Variants in RTL4 observed in about 807,000 individuals in gnomAD.
The protein encoded by RTL4 is retrotransposon Gag like 4.
Under a neutral mutation model 5.3 loss-of-function variants are expected in RTL4, and 4 were observed. That is an observed-to-expected ratio of 0.75 (90% CI 0.37 to 1.72). RTL4 has a LOEUF of 1.72. RTL4 is among the 40% of genes most tolerant of loss of function. The pLI, the probability that RTL4 is intolerant of heterozygous loss-of-function variation, is 0.04. For synonymous variants in RTL4, 98 were observed against 87.3 expected, an observed-to-expected ratio of 1.12 and a Z score of -0.68; for missense variants, 260 against 227.1, an observed-to-expected ratio of 1.14 and a Z score of -0.93.
chrX:112,226,196 C>T, the RTL4 span, among the ~76,000 whole-genome samples: 1 of 111,893 alleles, frequency 8.9e-6, no homozygotes, highest in Non-Finnish European at 1.9e-5. Context: ...TAAAACCCAG[C>T]TCTTTCTTAC....
the RTL4 span, among the ~76,000 whole-genome samples, chrX:112,350,466 A>G: frequency 9.1e-6 from 1 of 110,126 alleles, no homozygotes; most frequent in Non-Finnish European, 1.9e-5. Context: ...TACCTCTGGT[A>G]GAATTCGGCT....
the RTL4 span, among the ~76,000 whole-genome samples, chrX:112,136,624 A>G: frequency 3.9e-4 from 44 of 112,187 alleles, no homozygotes; most frequent in African/African-American, 1.4e-3. Context: ...AAAGTGATCT[A>G]CAGATTAAAT....
chrX:112,376,077 T>C, the RTL4 span, among the ~76,000 whole-genome samples: 5 of 110,843 alleles, frequency 4.5e-5, no homozygotes, highest in East Asian at 8.5e-4. Flanking sequence ...ATAATCATGA[T>C]TGGGGGGATG....
the RTL4 span, among the ~76,000 whole-genome samples, chrX:112,172,431 G>GCGTA: frequency 8.9e-6 from 1 of 111,815 alleles, no homozygotes; most frequent in Non-Finnish European, 1.9e-5. Context: ...TTAGAGAAAT[G>GCGTA]CGTATGAAAA....
At chrX:112,369,236 A>T in the RTL4 span, among the ~76,000 whole-genome samples, 31 of 112,825 alleles carry the variant, frequency 2.7e-4, no homozygotes, top group Non-Finnish European at 4.7e-4. Context: ...CCTACAGAGT[A>T]TTCACTCCAG....
the RTL4 span, among the ~76,000 whole-genome samples, chrX:112,309,803 CAT>C: frequency 2.2e-4 from 23 of 104,490 alleles, no homozygotes; most frequent in African/African-American, 8.8e-4. Flanking sequence ...CACACACACA[CAT>C]ATACACACAC....
At chrX:112,408,355 A>G in the RTL4 span, among the ~76,000 whole-genome samples, 2 of 110,035 alleles carry the variant, frequency 1.8e-5, no homozygotes, top group African/African-American at 6.6e-5. Context: ...GAAAAAATGC[A>G]ATTGACATAC....
At chrX:112,329,168 C>G in the RTL4 span, among the ~76,000 whole-genome samples, 1 of 110,770 alleles carries the variant, frequency 9.0e-6, no homozygotes, top group Non-Finnish European at 1.9e-5. Context: ...CAGAGCAGAA[C>G]TGAAGGAGAT....
At chrX:112,373,482 A>G in the RTL4 span, among the ~76,000 whole-genome samples, 3 of 110,922 alleles carry the variant, frequency 2.7e-5, no homozygotes, top group Non-Finnish European at 5.7e-5. Flanking sequence ...ATTTGCAGGA[A>G]TTCTTTATAT....
At chrX:112,197,348 C>T in the RTL4 span, among the ~76,000 whole-genome samples, 1 of 110,879 alleles carries the variant, frequency 9.0e-6, no homozygotes, top group African/African-American at 3.3e-5. Flanking sequence ...AGGGGCAGCT[C>T]ATTCTTGGCT....
At chrX:112,424,304 A>T in the RTL4 span, among the ~76,000 whole-genome samples, 1 of 112,026 alleles carries the variant, frequency 8.9e-6, no homozygotes, top group Non-Finnish European at 1.9e-5. Context: ...TGGCTTTAAC[A>T]GAATTATTTC....
the RTL4 span, among the ~76,000 whole-genome samples, chrX:112,415,118 A>G: frequency 6.3e-5 from 7 of 111,796 alleles, no homozygotes; most frequent in Admixed American, 9.5e-5. Flanking sequence ...ACATATAAGT[A>G]TATAGCTTGA....
At chrX:112,105,194 G>A in the RTL4 span, among the ~76,000 whole-genome samples, 1 of 111,531 alleles carries the variant, frequency 9.0e-6, no homozygotes, top group Non-Finnish European at 1.9e-5. Flanking sequence ...AAAATCAGTT[G>A]GCTGTAAATA....
At chrX:112,294,363 G>C in the RTL4 span, among the ~76,000 whole-genome samples, 1 of 111,311 alleles carries the variant, frequency 9.0e-6, no homozygotes, top group Non-Finnish European at 1.9e-5. Context: ...TTGGGAGGCC[G>C]ATGCAGGCAG....
At chrX:112,148,327 CAAA>C in the RTL4 span, among the ~76,000 whole-genome samples, 3 of 62,231 alleles carry the variant, frequency 4.8e-5, no homozygotes, top group Admixed American at 2.1e-4. Context: ...TGACTGAGTG[CAAA>C]AAAAAAAAAA....
the RTL4 span, among the ~76,000 whole-genome samples, chrX:112,423,181 C>T: frequency 9.1e-6 from 1 of 110,225 alleles, no homozygotes; most frequent in African/African-American, 3.3e-5. Flanking sequence ...TTGACTCACT[C>T]CTTAACCATG....
chrX:112,219,414 T>C, the RTL4 span, among the ~76,000 whole-genome samples: 1 of 112,275 alleles, frequency 8.9e-6, no homozygotes, highest in African/African-American at 3.2e-5. Context: ...GGACATGTGG[T>C]TTAATAAATA....
At chrX:112,306,147 T>G in the RTL4 span, among the ~76,000 whole-genome samples, 176 of 111,751 alleles carry the variant, frequency 1.6e-3, 3 homozygotes, top group Admixed American at 0.014. Flanking sequence ...AATTTGCAAG[T>G]GGAAACTGAT....
chrX:112,227,832 G>T, the RTL4 span, among the ~76,000 whole-genome samples: 1 of 111,250 alleles, frequency 9.0e-6, no homozygotes, highest in African/African-American at 3.3e-5. Context: ...GGTAGAGTAT[G>T]ATGGAAGGGA....
Sources: gnomAD v4.1 joint callset for allele counts (sites outside exome capture counted in the v4.1 genomes callset) on GRCh38, gnomAD v4.1.1 for gene constraint, MANE v1.5 for transcripts, NCBI Gene and HGNC (gene_info 2026-07-23, HGNC 2026-07-21) for gene names.